Variants in FBN2 observed in about 807,000 individuals in gnomAD.
FBN2 encodes the protein fibrillin 2, also known as fibrillin-2.
In FBN2, 105 loss-of-function variants were observed where a neutral mutation model predicts 355.6. The observed-to-expected ratio is 0.30, with a 90% CI of 0.25 to 0.35. The LOEUF is 0.35. Ranked by LOEUF, FBN2 falls within the 10% of genes least tolerant of loss-of-function variation. The probability of loss-of-function intolerance (pLI) is 1.00; values close to 1 mark genes in which losing one functional copy is unlikely to be tolerated. For missense variants in FBN2, 3,280 were observed against 3,758.7 expected (o/e 0.87, Z 3.33); for synonymous variants, 1,350 against 1,301.2 (o/e 1.04, Z -0.81).
At chr5:128,270,402 T>C (rs1765237465) in intron 62 of FBN2, among the ~76,000 whole-genome samples, 1 of 151,842 alleles carries the variant, frequency 6.6e-6, no homozygotes, top group Admixed American at 6.6e-5. Flanking sequence ...GGTGGCAGAC[T>C]CCTGTAATCC....
At chr5:128,352,683 C>G (rs1302080353) in intron 20 of FBN2, among the ~76,000 whole-genome samples, 1 of 152,094 alleles carries the variant, frequency 6.6e-6, no homozygotes, top group East Asian at 1.9e-4. Flanking sequence ...AATGCCGATT[C>G]ATAAGTTTCC....
At chr5:128,448,966 G>C (rs879779590) in intron 6 of FBN2, among the ~76,000 whole-genome samples, 1 of 151,764 alleles carries the variant, frequency 6.6e-6, no homozygotes, top group Non-Finnish European at 1.5e-5. Flanking sequence ...TAAAATTCAC[G>C]AAGCATTAAT....
In FBN2 at chr5:128,300,593, T is replaced by C. The variant is rs1051795092; in HGVS notation, c.6166+224A>G. Among the ~76,000 whole-genome samples the C allele has an allele frequency of 2.0e-5, 3 of 152,252 alleles. No homozygotes were observed. The South Asian group carries it at 6.2e-4, about 32-fold the overall frequency. The stretch of plus-strand genomic sequence containing the variant: ...TTAATTAGCATATGCTGAAAATTCT[T>C]TGACTAGCATTAGATTTCTGGTAAT... On this transcript the variant is annotated intron_variant, in intron 48 of 64. Transcript: ENST00000262464.
At chr5:128,411,636 G>C (rs1161670228) in intron 7 of FBN2, among the ~76,000 whole-genome samples, 1 of 152,136 alleles carries the variant, frequency 6.6e-6, no homozygotes, top group Non-Finnish European at 1.5e-5. Flanking sequence ...TGGAGCTTGG[G>C]GTTTTTATAG....
In FBN2 at chr5:128,357,432, C is replaced by T. The variant is rs759350967; in HGVS notation, c.2555-37G>A. On this transcript the variant is annotated intron_variant, in intron 19 of 64. Coordinates refer to ENST00000262464, the MANE Select transcript of FBN2 (RefSeq NM_001999.4). ...AAGGAAAAGATTCTGTTAGAACTGCCATGTGTTTCTGGAAAATATTATTCC... is the reference window on the plus strand; with the variant it reads ...AAGGAAAAGATTCTGTTAGAACTGCTATGTGTTTCTGGAAAATATTATTCC... 3.7e-6 allele frequency: 6 copies of T among 1,612,814 alleles called. No homozygotes were observed. The East Asian group carries it at 1.3e-4, about 36-fold the overall frequency.
chr5:128,305,429 A>G, intron 44 of FBN2, 82 bp downstream of exon 44: 1 of 1,514,322 alleles, frequency 6.6e-7, no homozygotes, highest in Non-Finnish European at 9.2e-7. Flanking sequence ...ATCTTTCCCA[A>G]ATTATTCTTG....
chr5:128,375,783 C>T (rs1325780443), intron 14 of FBN2, among the ~76,000 whole-genome samples: 1 of 152,140 alleles, frequency 6.6e-6, no homozygotes, highest in Non-Finnish European at 1.5e-5. Context: ...TGCCTGTAAT[C>T]CCAGAACTTT....
intron 5 of FBN2, among the ~76,000 whole-genome samples, chr5:128,513,402 G>A (rs548983560): frequency 1.6e-4 from 25 of 152,188 alleles, no homozygotes; most frequent in African/African-American, 5.3e-4. Context: ...CTTTTAATCC[G>A]ATGTTGAAAC....
At chr5:128,315,134 T>C (rs1263566441) in intron 36 of FBN2, among the ~76,000 whole-genome samples, 1 of 152,190 alleles carries the variant, frequency 6.6e-6, no homozygotes, top group Non-Finnish European at 1.5e-5. Context: ...AGGAACCCTT[T>C]AATTTTTAAT....
At chr5:128,533,230 T>A (rs1435335788) in intron 2 of FBN2, among the ~76,000 whole-genome samples, 1 of 152,060 alleles carries the variant, frequency 6.6e-6, no homozygotes, top group Non-Finnish European at 1.5e-5. Flanking sequence ...AGTTTCCTCC[T>A]CCCCAGAAGG....
At chr5:128,416,752 C>T in intron 7 of FBN2, among the ~76,000 whole-genome samples, 1 of 152,076 alleles carries the variant, frequency 6.6e-6, no homozygotes, top group East Asian at 1.9e-4. Flanking sequence ...TTCCACTGGT[C>T]TAGTATCTGT....
Position 128,537,625 on chromosome 5 carries a change from G to A in FBN2, c.-22C>T. 6.2e-7 allele frequency: 1 copy of A among 1,603,720 alleles called. No homozygotes were observed. The highest frequency in any genetic ancestry group is 8.5e-7 in the Non-Finnish European group (1 of 1,176,604). On this transcript the variant is annotated 5_prime_UTR_variant, in exon 1 of 65. Transcript: ENST00000262464. ...CCATCGCCGGCGCCGAAAGCGCGCG[G>A]CCGTAGACCCGCGGAGAGGGAGTGA...
chr5:128,312,723 A>C lies in FBN2; in HGVS notation c.4790T>G (p.Ile1597Ser). The C allele has an allele frequency of 6.2e-7, 1 of 1,613,608 alleles. No individual in the cohort carries two copies. Among genetic ancestry groups the C allele is most frequent in the Non-Finnish European group, 8.5e-7 (1 of 1,179,934 alleles). Residue 1597 changes from isoleucine (I) to serine (S), a missense_variant, in exon 37 of 65, where the codon ATC (isoleucine) becomes AGC (serine). Ile to Ser is a moderately radical substitution (Grantham distance 142). Transcript: ENST00000262464. ...GDGSLSCNTE[I>S]GVGVSRSSCC... Reference sequence around the variant, plus strand: ...TGAAGAGCGACTGACGCCCACCCCGATCTCGGTGTTGCAAGACAGACTCCC... The same window carrying C: ...TGAAGAGCGACTGACGCCCACCCCGCTCTCGGTGTTGCAAGACAGACTCCC...
intron 11 of FBN2, among the ~76,000 whole-genome samples, chr5:128,385,092 G>A (rs1473051794): frequency 1.3e-5 from 2 of 152,060 alleles, no homozygotes; most frequent in Non-Finnish European, 2.9e-5. Flanking sequence ...GGGAGTACAA[G>A]TGCAGGTTTA....
chr5:128,401,708 G>A (rs1752802492), intron 8 of FBN2, among the ~76,000 whole-genome samples: 1 of 152,190 alleles, frequency 6.6e-6, no homozygotes, highest in South Asian at 2.1e-4. Context: ...TTGAACCCGG[G>A]AGGTGGAGCT....
chr5:128,407,405 A>C (rs1038076136), intron 8 of FBN2, among the ~76,000 whole-genome samples: 2 of 152,204 alleles, frequency 1.3e-5, no homozygotes, highest in African/African-American at 4.8e-5. Flanking sequence ...ATAATGAAGA[A>C]TATTTTATTG....
chr5:128,286,863 T>C lies in FBN2; in HGVS notation c.6881-14A>G. On this transcript the variant is annotated splice_polypyrimidine_tract_variant and intron_variant, in intron 54 of 64. Transcript: ENST00000262464. ...ATTCATCCAGATCTAGAACAAAAAA[T>C]AAAAATTAAAAATTATCTGGAGCAA... The C allele has an allele frequency of 3.7e-6, 6 of 1,612,588 alleles. No individual in the cohort carries two copies. The highest frequency in any genetic ancestry group is 5.1e-6 in the Non-Finnish European group (6 of 1,179,090).
intron 23 of FBN2, among the ~76,000 whole-genome samples, chr5:128,347,973 G>GA (rs1554123961): frequency 4.2e-5 from 4 of 94,322 alleles, no homozygotes; most frequent in Non-Finnish European, 9.5e-5. Flanking sequence ...GAGACGGGGA[G>GA]GGGGGGGTTC....
chr5:128,285,013 T>C (rs1333414006), intron 55 of FBN2, among the ~76,000 whole-genome samples: 3 of 152,216 alleles, frequency 2.0e-5, no homozygotes, highest in Non-Finnish European at 4.4e-5. Flanking sequence ...AAAAAAATGT[T>C]CTACTTATCA....
Sources: gnomAD v4.1 joint callset for allele counts (sites outside exome capture counted in the v4.1 genomes callset) on GRCh38, gnomAD v4.1.1 for gene constraint, MANE v1.5 for transcripts, NCBI Gene and HGNC (gene_info 2026-07-23, HGNC 2026-07-21) for gene names.